The following DYNC2H1 variants were observed in gnomAD, a reference collection of about 807,000 sequenced individuals.
DYNC2H1 encodes cytoplasmic dynein 2 heavy chain 1.
A neutral mutation model predicts 570.0 loss-of-function variants in DYNC2H1; 410 were observed. The ratio of observed to expected loss-of-function variants is 0.72; its 90% CI spans 0.66 to 0.78. DYNC2H1 has a LOEUF of 0.78. Ranked by LOEUF, DYNC2H1 falls within the 30% of genes least tolerant of loss-of-function variation. The pLI is 0.00. For missense variants in DYNC2H1, 4,865 were observed against 5,046.4 expected, an observed-to-expected ratio of 0.96 and a Z score of 1.09; for synonymous variants, 1,688 against 1,677.6, an observed-to-expected ratio of 1.01 and a Z score of -0.15.
At position 103,465,701 on chromosome 11, in the gene DYNC2H1, C is replaced by T. The variant is rs747256015; in HGVS notation, c.12649-2888C>T. On this transcript the variant is annotated intron_variant, in intron 87 of 88. Transcript: ENST00000375735. This position sits in a 1 kb window ranked among gnomAD's most constrained non-coding sequence, Gnocchi z 4.9. ...GGTGCTAGCTCAGTCCTTCACATGC[C>T]CTCTCATACTGTAGGTACCTCATAC... is the stretch of plus-strand genomic sequence containing the variant. Among the ~76,000 whole-genome samples the T allele has an allele frequency of 2.6e-5, 4 of 151,910 alleles. No individual in the cohort carries two copies. The highest frequency in any genetic ancestry group is 2.9e-5 in the Non-Finnish European group (2 of 67,990).
intron 36 of DYNC2H1, among the ~76,000 whole-genome samples, 184 bp from the exon 37 acceptor site, chr11:103,176,051 A>G (rs1161295179): frequency 6.6e-6 from 1 of 152,102 alleles, no homozygotes; most frequent in Non-Finnish European, 1.5e-5. Flanking sequence ...AGTGATATTT[A>G]CTTTTTAGCA....
At chr11:103,159,596 G>A (rs1210168098) in intron 28 of DYNC2H1, among the ~76,000 whole-genome samples, 1 of 152,060 alleles carries the variant, frequency 6.6e-6, no homozygotes, top group Non-Finnish European at 1.5e-5. Flanking sequence ...TGATGTTGTA[G>A]AGTCACTTTA....
Position 103,241,605 on chromosome 11 carries a change from T to C in DYNC2H1, c.9820-2088T>C, listed in dbSNP as rs1001216499. On this transcript the variant is annotated intron_variant, in intron 63 of 88. Coordinates refer to ENST00000375735, the MANE Select transcript of DYNC2H1 (RefSeq NM_001377.3). This position sits in a 1 kb window ranked among gnomAD's most constrained non-coding sequence, Gnocchi z 5.1. ...TTTTGTAGTTAGGCAAAATGCAGAA[T>C]TGTGAAATGTGTGCTATTGAATGCT... The C allele has an allele frequency of 4.3e-6, 6 of 1,399,102 alleles. No individual in the cohort carries two copies. The highest frequency in any genetic ancestry group is 4.9e-6 in the Non-Finnish European group (5 of 1,010,886). The allele number at this position is 1,399,102 out of a possible 1,614,324, so 86.7% of individuals were successfully genotyped here. A position where few individuals can be genotyped will look rare whatever the true frequency, so the allele number is the denominator to read the frequency against.
rs2566910 is a variant in DYNC2H1, at chr11:103,359,582, A to G, written c.12156+1223A>G. ...GACTTCAAAGGCTTACATGTAGATT[A>G]TTTGCCTCCTGTGACCCAACTCAAG... On this transcript the variant is annotated intron_variant, in intron 83 of 88. Transcript: ENST00000375735. Among the ~76,000 whole-genome samples the G allele has an allele frequency of 7.7e-4, 117 of 151,268 alleles. 1 individual carries two copies. Among genetic ancestry groups the G allele is most frequent in the African/African-American group, 2.7e-3 (111 of 41,100 alleles).
chr11:103,392,983 A>G (rs1203581781), intron 83 of DYNC2H1, among the ~76,000 whole-genome samples: 1 of 151,976 alleles, frequency 6.6e-6, no homozygotes, highest in Non-Finnish European at 1.5e-5. Flanking sequence ...TCCCAGGTTC[A>G]AGCGATTCTC....
intron 31 of DYNC2H1, among the ~76,000 whole-genome samples, chr11:103,166,529 A>C (rs1271144235): frequency 6.6e-6 from 1 of 152,056 alleles, no homozygotes; most frequent in East Asian, 1.9e-4. Context: ...CTAACTCTGA[A>C]TTCACATAGA....
At chr11:103,419,851 C>T (rs1943419412) in intron 84 of DYNC2H1, among the ~76,000 whole-genome samples, 1 of 152,020 alleles carries the variant, frequency 6.6e-6, no homozygotes, top group Non-Finnish European at 1.5e-5. Flanking sequence ...GCTAAAGGAG[C>T]ATGTTATAAT....
intron 75 of DYNC2H1, among the ~76,000 whole-genome samples, chr11:103,294,342 C>G (rs1467226816): frequency 6.6e-6 from 1 of 151,988 alleles, no homozygotes; most frequent in Non-Finnish European, 1.5e-5. Flanking sequence ...TTGTTTTTAC[C>G]TATTCTTCTT....
At chr11:103,427,796 T>C (rs72985494) in intron 84 of DYNC2H1, among the ~76,000 whole-genome samples, 8,288 of 152,084 alleles carry the variant, frequency 0.054, 273 homozygotes, top group Non-Finnish European at 0.079. Context: ...TATTATCACA[T>C]TGGGGCTTAA....
chr11:103,423,008 A>AT (rs979017022), intron 84 of DYNC2H1, among the ~76,000 whole-genome samples: 12 of 151,260 alleles, frequency 7.9e-5, no homozygotes, highest in Middle Eastern at 3.4e-3. Context: ...ATTTGAGTCT[A>AT]TTTTTTTTTC....
intron 84 of DYNC2H1, among the ~76,000 whole-genome samples, chr11:103,413,271 C>T (rs1164885239): frequency 6.6e-6 from 1 of 152,110 alleles, no homozygotes; most frequent in Non-Finnish European, 1.5e-5. Flanking sequence ...GTTTACTTGC[C>T]TGCAAATTAG....
At chr11:103,125,032 C>A (rs2134733306) in intron 11 of DYNC2H1, 68 bp from the exon 12 acceptor site, 1 of 1,248,734 alleles carries the variant, frequency 8.0e-7, no homozygotes, top group Non-Finnish European at 1.1e-6. Context: ...GTTGTAAAAA[C>A]CTATTGTGTT....
chr11:103,147,702 A>G lies in DYNC2H1; in HGVS notation c.2703-70A>G. The G allele has an allele frequency of 6.9e-6, 6 of 873,270 alleles. No homozygotes were observed. The South Asian group carries it at 8.1e-5, about 12-fold the overall frequency. 54.1% of individuals were successfully genotyped at this position (873,270 alleles called of 1,614,324 possible). On this transcript the variant is annotated intron_variant, in intron 18 of 88. Coordinates refer to ENST00000375735, the MANE Select transcript of DYNC2H1 (RefSeq NM_001377.3). ...AAGTGTATTACATGAAATCATTATAATATTATATGAGACTCTTTTCCTCTA... is the reference window on the plus strand; with the variant it reads ...AAGTGTATTACATGAAATCATTATAGTATTATATGAGACTCTTTTCCTCTA...
chr11:103,226,974 A>T (rs1863825733), intron 59 of DYNC2H1, among the ~76,000 whole-genome samples: 1 of 152,122 alleles, frequency 6.6e-6, no homozygotes, highest in Non-Finnish European at 1.5e-5. Flanking sequence ...GTTTATGTGC[A>T]TAAAGGTGTT....
intron 82 of DYNC2H1, among the ~76,000 whole-genome samples, chr11:103,347,988 A>G (rs1239430479): frequency 6.6e-6 from 1 of 152,146 alleles, no homozygotes; most frequent in Non-Finnish European, 1.5e-5. Context: ...TTGCCTAGTG[A>G]TAGGGGAGGA....
chr11:103,277,137 C>G lies in DYNC2H1; in HGVS notation c.10696-3211C>G, dbSNP rs904919526. Among the ~76,000 whole-genome samples the G allele has an allele frequency of 6.6e-6, 1 of 152,128 alleles. No homozygotes were observed. The highest frequency in any genetic ancestry group is 2.4e-5 in the African/African-American group (1 of 41,538). ...AAGAAAAAAAAGTCTCCTTTTCAGTCTCTCCCCAACTTGTTACCCCCTTTT... is the reference window on the plus strand; with the variant it reads ...AAGAAAAAAAAGTCTCCTTTTCAGTGTCTCCCCAACTTGTTACCCCCTTTT... On this transcript the variant is annotated intron_variant, in intron 70 of 88. Coordinates refer to ENST00000375735, the MANE Select transcript of DYNC2H1 (RefSeq NM_001377.3). The surrounding 1 kb of genome is among the most constrained non-coding windows in gnomAD (Gnocchi z 4.3).
At chr11:103,383,482 T>TTTA (rs1941746120) in intron 83 of DYNC2H1, among the ~76,000 whole-genome samples, 2 of 65,942 alleles carry the variant, frequency 3.0e-5, no homozygotes, top group Non-Finnish European at 6.9e-5. Flanking sequence ...ATCTTTATTT[T>TTTA]TTTTTTTTTG....
intron 83 of DYNC2H1, among the ~76,000 whole-genome samples, chr11:103,392,521 A>G (rs1202693965): frequency 6.6e-6 from 1 of 152,162 alleles, no homozygotes; most frequent in Non-Finnish European, 1.5e-5. Context: ...ATCCGCAGTG[A>G]GATGAACCCG....
At position 103,390,726 on chromosome 11, in the gene DYNC2H1, A is replaced by ATAAAG. The variant is rs1357955063; in HGVS notation, c.12157-8934_12157-8930dup. 3.3e-5 allele frequency among the ~76,000 whole-genome samples: 5 copies of ATAAAG among 152,214 alleles called. No individual in the cohort carries two copies. The East Asian group carries it at 9.7e-4, about 29-fold the overall frequency. On this transcript the variant is annotated intron_variant, in intron 83 of 88. Coordinates refer to ENST00000375735, the MANE Select transcript of DYNC2H1 (RefSeq NM_001377.3). ...AAAATCTCTCAGCACTTGCTTGTCT[A>ATAAAG]TAAAGTATTTTATTTCTCCTTCACT...
Sources: allele counts gnomAD v4.1 joint callset (sites outside exome capture counted in the v4.1 genomes callset), GRCh38; gene constraint gnomAD v4.1.1; non-coding constraint Gnocchi (gnomAD v3.1); transcripts MANE v1.5; gene names NCBI Gene and HGNC (gene_info 2026-07-23, HGNC 2026-07-21).